TRHR: variants seen among roughly 807,000 people sequenced by gnomAD.
TRHR encodes the protein thyrotropin-releasing hormone receptor.
TRHR carries 14 observed loss-of-function variants against 28.0 expected under a neutral mutation model. The ratio of observed to expected loss-of-function variants is 0.50; its 90% CI spans 0.33 to 0.78. The LOEUF is 0.78. TRHR is among the 30% of genes least tolerant of loss of function. The pLI is 0.02. For synonymous variants in TRHR, 176 were observed against 171.9 expected (o/e 1.02, Z -0.18); for missense variants, 438 against 469.5 (o/e 0.93, Z 0.62).
In TRHR at chr8:109,088,246, T is replaced by G; in HGVS notation, c.734T>G (p.Leu245Arg). ...KNDSTHQNTN[L>R]NVNTSNRCFN... is the part of the protein sequence containing the mutation. ...GATTCAACCCATCAGAACACAAATC[T>G]GAATGTAAATACCTCTAATAGATGT... is the stretch of plus-strand genomic sequence containing the variant. Residue 245 changes from leucine to arginine, a missense_variant, in exon 2 of 3, where the codon CTG becomes CGG. Coordinates refer to ENST00000518632, the MANE Select transcript of TRHR (RefSeq NM_003301.7). 2 of 1,614,026 alleles carry G rather than the reference T, an allele frequency of 1.2e-6. No homozygotes were observed. Among genetic ancestry groups the G allele is most frequent in the Non-Finnish European group, 1.7e-6 (2 of 1,180,010 alleles).
intron 2 of TRHR, among the ~76,000 whole-genome samples, chr8:109,107,550 A>T (rs1811770078): frequency 6.6e-6 from 1 of 152,210 alleles, no homozygotes; most frequent in Non-Finnish European, 1.5e-5. Flanking sequence ...AGAGACTCTG[A>T]TGCAGTAATA....
intron 2 of TRHR, among the ~76,000 whole-genome samples, chr8:109,089,170 C>A (rs765986991): frequency 4.0e-5 from 6 of 151,824 alleles, no homozygotes; most frequent in Non-Finnish European, 4.4e-5. Flanking sequence ...TACAATTGTT[C>A]TAGGTTACTG....
chr8:109,094,850 C>A (rs1389015259), intron 2 of TRHR, among the ~76,000 whole-genome samples: 2 of 152,114 alleles, frequency 1.3e-5, no homozygotes, highest in East Asian at 3.9e-4. Context: ...TCTGATCACA[C>A]AAGAAACATC....
chr8:109,088,363 G>C, intron 2 of TRHR, 62 bp downstream of exon 2: 2 of 1,571,056 alleles, frequency 1.3e-6, no homozygotes, highest in Non-Finnish European at 1.7e-6. Flanking sequence ...CTTGGAGATG[G>C]GAAACAACTT....
chr8:109,113,821 A>T (rs906998445), intron 2 of TRHR, among the ~76,000 whole-genome samples: 1 of 152,156 alleles, frequency 6.6e-6, no homozygotes, highest in Non-Finnish European at 1.5e-5. Flanking sequence ...TCATAGCAGT[A>T]GTTACAATAA....
At chr8:109,104,923 C>G (rs1484990967) in intron 2 of TRHR, among the ~76,000 whole-genome samples, 1 of 152,062 alleles carries the variant, frequency 6.6e-6, no homozygotes, top group Non-Finnish European at 1.5e-5. Flanking sequence ...AGTTCAAGAG[C>G]AGCCTGAGCA....
At chr8:109,094,285 T>C (rs1811557296) in intron 2 of TRHR, among the ~76,000 whole-genome samples, 1 of 151,906 alleles carries the variant, frequency 6.6e-6, no homozygotes, top group South Asian at 2.1e-4. Context: ...GAGGCCTTGC[T>C]CTGTCATGCA....
At position 109,120,851 on chromosome 8, in the gene TRHR, T is replaced by C. The variant is rs903231130; in HGVS notation, c.*1396T>C. Among the ~76,000 whole-genome samples the C allele has an allele frequency of 4.0e-5, 6 of 151,602 alleles. No homozygotes were observed. The highest frequency in any genetic ancestry group is 7.3e-5 in the African/African-American group (3 of 41,352). ...GCCCTTGGTGATGGTTCAGTAGTCATTGATTTTTAATGAGTAGATCAAAAA... is the reference window on the plus strand; with the variant it reads ...GCCCTTGGTGATGGTTCAGTAGTCACTGATTTTTAATGAGTAGATCAAAAA... On this transcript the variant is annotated 3_prime_UTR_variant, in exon 3 of 3. Transcript: ENST00000518632.
chr8:109,091,578 T>A (rs991472742), intron 2 of TRHR, among the ~76,000 whole-genome samples: 5 of 152,322 alleles, frequency 3.3e-5, no homozygotes, highest in Non-Finnish European at 7.4e-5. Flanking sequence ...TAAATTCAAA[T>A]GTGCATAGCC....
Position 109,093,670 on chromosome 8 carries a change from C to A in TRHR, c.789+5369C>A, listed in dbSNP as rs529526498. Among the ~76,000 whole-genome samples the A allele has an allele frequency of 3.9e-3, 593 of 151,978 alleles. 2 individuals carry two copies. Among genetic ancestry groups the A allele is most frequent in the Non-Finnish European group, 6.0e-3 (411 of 67,942 alleles). On this transcript the variant is annotated intron_variant, in intron 2 of 2. Coordinates refer to ENST00000518632, the MANE Select transcript of TRHR (RefSeq NM_003301.7). ...CCGCCAGCCTTGGCCTCCCAAAGTGCTGGGATTACAGGCATGAGCCACCAT... is the reference window on the plus strand; with the variant it reads ...CCGCCAGCCTTGGCCTCCCAAAGTGATGGGATTACAGGCATGAGCCACCAT...
chr8:109,110,023 G>A (rs1811806780), intron 2 of TRHR, among the ~76,000 whole-genome samples: 2 of 152,156 alleles, frequency 1.3e-5, no homozygotes, highest in Non-Finnish European at 1.5e-5. Flanking sequence ...ACTGTCATCT[G>A]TGCTATGATA....
At chr8:109,100,641 C>T (rs893770613) in intron 2 of TRHR, among the ~76,000 whole-genome samples, 6 of 152,100 alleles carry the variant, frequency 3.9e-5, no homozygotes, top group African/African-American at 1.4e-4. Context: ...TAAAACAAAG[C>T]TTATGCTCAC....
Position 109,088,009 on chromosome 8 carries a change from T to A in TRHR, c.497T>A (p.Leu166His), listed in dbSNP as rs1330781439. Residue 166 changes from leucine (L) to histidine (H), a missense_variant, in exon 2 of 3, where the codon CTC becomes CAC. Leu to His is a moderately conservative substitution (Grantham distance 99). Coordinates refer to ENST00000518632, the MANE Select transcript of TRHR (RefSeq NM_003301.7). ...YCMLWFFLLD[L>H]NISTYKDAIV... ...ATGCTCTGGTTCTTCTTGCTGGATC[T>A]CAATATTAGCACCTACAAAGATGCT... is the stretch of plus-strand genomic sequence containing the variant. The A allele has an allele frequency of 6.2e-7, 1 of 1,614,108 alleles. No individual in the cohort carries two copies. Among genetic ancestry groups the A allele is most frequent in the Non-Finnish European group, 8.5e-7 (1 of 1,180,024 alleles).
In TRHR at chr8:109,121,190, C is replaced by T. The variant is rs541300145; in HGVS notation, c.*1735C>T. On this transcript the variant is annotated 3_prime_UTR_variant, in exon 3 of 3. Coordinates refer to ENST00000518632, the MANE Select transcript of TRHR (RefSeq NM_003301.7). ...AATATTTGCAGGAAATACCCTAAAA[C>T]CCTACCTGCATGACAGTAAGCAATC... Among the ~76,000 whole-genome samples, 82 of 151,004 alleles carry T rather than the reference C, an allele frequency of 5.4e-4. No homozygotes were observed. The highest frequency in any genetic ancestry group is 1.9e-3 in the African/African-American group (78 of 41,160).
chr8:109,113,058 T>A (rs971049382), intron 2 of TRHR, among the ~76,000 whole-genome samples: 3 of 152,134 alleles, frequency 2.0e-5, no homozygotes, highest in Admixed American at 6.6e-5. Flanking sequence ...ATTTTCTTGA[T>A]CTCTTAAATG....
chr8:109,116,263 CT>C (rs944280006), intron 2 of TRHR, among the ~76,000 whole-genome samples: 1 of 151,984 alleles, frequency 6.6e-6, no homozygotes, highest in African/African-American at 2.4e-5. Flanking sequence ...CTAAAATTCT[CT>C]TTTTTTGTTG....
At chr8:109,109,093 C>G (rs894955060) in intron 2 of TRHR, among the ~76,000 whole-genome samples, 2 of 152,090 alleles carry the variant, frequency 1.3e-5, no homozygotes, top group Non-Finnish European at 2.9e-5. Context: ...AGTATCACAG[C>G]GTGAATAAGA....
At chr8:109,095,004 GTT>G (rs79904190) in intron 2 of TRHR, among the ~76,000 whole-genome samples, 1 of 144,506 alleles carries the variant, frequency 6.9e-6, no homozygotes, top group Admixed American at 6.9e-5. Flanking sequence ...TCTCCTTTAG[GTT>G]TTTTTTTTTA....
chr8:109,087,775 A>G lies in TRHR; in HGVS notation c.263A>G (p.Tyr88Cys). Residue 88 changes from tyrosine (Y) to cysteine (C), a missense_variant, in exon 2 of 3, where the codon TAC (tyrosine) becomes TGC (cysteine). Transcript: ENST00000518632. ...AGLPNITDSIYGSWVYGYVGC... is the reference protein window; with the variant it reads ...AGLPNITDSICGSWVYGYVGC... Reference sequence around the variant, plus strand: ...CTCCCCAACATAACAGACAGTATCTACGGTTCCTGGGTCTATGGCTATGTT... The same window carrying G: ...CTCCCCAACATAACAGACAGTATCTGCGGTTCCTGGGTCTATGGCTATGTT... 1.2e-6 allele frequency: 2 copies of G among 1,614,144 alleles called. No individual in the cohort carries two copies. Among genetic ancestry groups the G allele is most frequent in the Non-Finnish European group, 1.7e-6 (2 of 1,180,026 alleles).
Sources: allele counts gnomAD v4.1 joint callset (sites outside exome capture counted in the v4.1 genomes callset), GRCh38; gene constraint gnomAD v4.1.1; transcripts MANE v1.5; gene names NCBI Gene and HGNC (gene_info 2026-07-23, HGNC 2026-07-21).